The following PAMR1 variants were observed in gnomAD, a reference collection of about 807,000 sequenced individuals.
PAMR1 encodes the protein inactive serine protease PAMR1.
Under a neutral mutation model 81.8 loss-of-function variants are expected in PAMR1, and 88 were observed. That is an observed-to-expected ratio of 1.08 (90% CI 0.91 to 1.28). The LOEUF (loss-of-function observed/expected upper bound fraction) is 1.28. PAMR1 is among the 50% of genes most tolerant of loss of function. The pLI is 0.00. For synonymous variants in PAMR1, 336 were observed against 345.3 expected (o/e 0.97, Z 0.30); for missense variants, 935 against 919.7 (o/e 1.02, Z -0.21).
chr11:35,445,697 G>A (rs1348747590), intron 6 of PAMR1, among the ~76,000 whole-genome samples: 1 of 152,160 alleles, frequency 6.6e-6, no homozygotes, highest in Non-Finnish European at 1.5e-5. Flanking sequence ...TGATCGTGGT[G>A]GATAAGCTTT....
intron 3 of PAMR1, among the ~76,000 whole-genome samples, chr11:35,480,762 G>A (rs930330735): frequency 5.3e-5 from 8 of 152,166 alleles, no homozygotes; most frequent in African/African-American, 9.6e-5. Context: ...AGGAATACAC[G>A]TGCCATGGTG....
chr11:35,454,113 G>GATGGTTTGGA (rs1221522568), intron 6 of PAMR1, among the ~76,000 whole-genome samples: 1 of 152,182 alleles, frequency 6.6e-6, no homozygotes, highest in African/African-American at 2.4e-5. Context: ...AAGCATATGT[G>GATGGTTTGGA]ATGGCTTTGG....
At chr11:35,525,744 C>A (rs1851375819), upstream of PAMR1, 2 of 634,222 alleles carry the variant, frequency 3.2e-6, no homozygotes, top group Non-Finnish European at 2.8e-6. Flanking sequence ...CTGAGGGGAA[C>A]CACCTTCAGC....
At chr11:35,506,163 CAATTT>C (rs1363025198) in intron 1 of PAMR1, among the ~76,000 whole-genome samples, 3 of 150,606 alleles carry the variant, frequency 2.0e-5, no homozygotes, top group Non-Finnish European at 3.0e-5. Context: ...AAAAATTCTA[CAATTT>C]AATTCCATCC....
At chr11:35,436,751 T>C (rs746744020) in intron 8 of PAMR1, among the ~76,000 whole-genome samples, 6 of 152,178 alleles carry the variant, frequency 3.9e-5, no homozygotes, top group Non-Finnish European at 2.9e-5. Flanking sequence ...TATGTCTCCA[T>C]GTCTATTACT....
intron 6 of PAMR1, among the ~76,000 whole-genome samples, chr11:35,461,741 A>G (rs1856659654): frequency 6.6e-6 from 1 of 152,150 alleles, no homozygotes; most frequent in African/African-American, 2.4e-5. Context: ...ATCCCTCTGA[A>G]CACACCAAGG....
At chr11:35,508,971 C>T (rs941023938) in intron 1 of PAMR1, among the ~76,000 whole-genome samples, 1 of 152,032 alleles carries the variant, frequency 6.6e-6, no homozygotes, top group African/African-American at 2.4e-5. Context: ...AGGTTGACTC[C>T]ATGTCTTTGC....
chr11:35,484,647 C>A (rs1467792397), intron 3 of PAMR1, among the ~76,000 whole-genome samples: 1 of 152,234 alleles, frequency 6.6e-6, no homozygotes, highest in African/African-American at 2.4e-5. Context: ...GTTTCTCTGC[C>A]TCTGTCCAAA....
intron 1 of PAMR1, among the ~76,000 whole-genome samples, chr11:35,512,343 G>A (rs1265275478): frequency 2.6e-5 from 4 of 152,142 alleles, no homozygotes; most frequent in Non-Finnish European, 5.9e-5. Context: ...CTTTGAGGTA[G>A]GTTATTTTCT....
chr11:35,518,514 G>A (rs1851211998), intron 1 of PAMR1, among the ~76,000 whole-genome samples: 2 of 141,770 alleles, frequency 1.4e-5, no homozygotes, highest in South Asian at 2.3e-4. Flanking sequence ...TGTATTCCAC[G>A]GAGCACTAAT....
upstream of PAMR1, chr11:35,529,096 C>T (rs1851430749): frequency 3.3e-5 from 5 of 152,312 alleles, no homozygotes; most frequent in South Asian, 1.0e-3. Flanking sequence ...TCTCTGTCCC[C>T]ATTATGGTCA....
chr11:35,507,096 G>A (rs1046161366), intron 1 of PAMR1, among the ~76,000 whole-genome samples: 1 of 132,808 alleles, frequency 7.5e-6, no homozygotes, highest in African/African-American at 2.9e-5. Context: ...GCCCAGGCTG[G>A]AGTGCAATGG....
intron 1 of PAMR1, among the ~76,000 whole-genome samples, chr11:35,506,534 A>C (rs1438868556): frequency 6.8e-6 from 1 of 148,002 alleles, no homozygotes; most frequent in Non-Finnish European, 1.5e-5. Flanking sequence ...GAAAGACTTT[A>C]TCTCTTTTTC....
intron 5 of PAMR1, among the ~76,000 whole-genome samples, chr11:35,469,582 A>G (rs1856813544): frequency 6.6e-6 from 1 of 152,240 alleles, no homozygotes. Context: ...GGGGGCAGGC[A>G]CAGAGACTGT....
intron 6 of PAMR1, among the ~76,000 whole-genome samples, chr11:35,464,797 A>AT (rs548124678): frequency 5.0e-4 from 76 of 152,262 alleles, no homozygotes; most frequent in Admixed American, 1.5e-3. Context: ...GTACTGTTTG[A>AT]TTTTTTTGAC....
At chr11:35,530,017 C>T (rs576535672), upstream of PAMR1, 1 of 152,332 alleles carries the variant, frequency 6.6e-6, no homozygotes, top group East Asian at 1.9e-4. Context: ...TTACAGTTCC[C>T]TCTATCTCCC....
At position 35,522,150 on chromosome 11, in the gene PAMR1, C is replaced by T. The variant is rs191073713; in HGVS notation, c.73+3363G>A. ...TGTTAGCCAGGATGGCCTCGATCTC[C>T]TGACCTCGTGATCTGCCCGCCCTGG... On this transcript the variant is annotated intron_variant, in intron 1 of 10. Transcript: ENST00000619888. Among the ~76,000 whole-genome samples, 523 of 152,266 alleles carry T rather than the reference C, an allele frequency of 3.4e-3. 3 individuals are homozygous for T. Among genetic ancestry groups the T allele is most frequent in the Non-Finnish European group, 5.8e-3 (395 of 68,012 alleles).
intron 6 of PAMR1, among the ~76,000 whole-genome samples, chr11:35,452,366 G>GA (rs1488191495): frequency 3.9e-5 from 6 of 152,180 alleles, no homozygotes; most frequent in Non-Finnish European, 8.8e-5. Flanking sequence ...GGACATAGGG[G>GA]ATAGAGTGAG....
At position 35,467,997 on chromosome 11, in the gene PAMR1, T is replaced by A. The variant is rs1004424143; in HGVS notation, c.820+4A>T. 8 of 1,540,158 alleles carry A rather than the reference T, an allele frequency of 5.2e-6. No individual in the cohort carries two copies. Among genetic ancestry groups the A allele is most frequent in the Non-Finnish European group, 7.1e-6 (8 of 1,134,500 alleles). On this transcript the variant is annotated splice_donor_region_variant and intron_variant, in intron 6 of 10. Transcript: ENST00000619888. ...CTTAACTCCCACTTAGGAAGCATAC[T>A]CACGATTTTCACAGCGCTGCCCAGT...
Sources: gnomAD v4.1 joint callset for allele counts (sites outside exome capture counted in the v4.1 genomes callset) on GRCh38, gnomAD v4.1.1 for gene constraint, MANE v1.5 for transcripts, NCBI Gene and HGNC (gene_info 2026-07-23, HGNC 2026-07-21) for gene names.